Variants in C12orf42 observed in about 807,000 individuals in gnomAD.
C12orf42 encodes chromosome 12 open reading frame 42.
Under a neutral mutation model 21.6 loss-of-function variants are expected in C12orf42, and 25 were observed. The ratio of observed to expected loss-of-function variants is 1.16; its 90% confidence interval spans 0.84 to 1.62. C12orf42 has a LOEUF of 1.62. Among genes scored for constraint, C12orf42 ranks in the 40% most tolerant of loss-of-function variants. The pLI, the probability that C12orf42 is intolerant of heterozygous loss-of-function variation, is 0.00. For missense variants in C12orf42, 483 were observed against 459.3 expected (o/e 1.05, Z -0.47); for synonymous variants, 174 against 175.0 (o/e 0.99, Z 0.05).
At chr12:103,552,536 G>A in the C12orf42 span, among the ~76,000 whole-genome samples, 2 of 152,152 alleles carry the variant, frequency 1.3e-5, no homozygotes, top group African/African-American at 4.8e-5. Context: ...ACAAGGGAAT[G>A]GTGAAAAGGA....
intron 4 of C12orf42, among the ~76,000 whole-genome samples, chr12:103,322,132 C>T (rs896900566): frequency 1.5e-5 from 2 of 129,288 alleles, no homozygotes; most frequent in African/African-American, 8.9e-5. Flanking sequence ...CGCGCACACA[C>T]ACACACACAC....
the C12orf42 span, among the ~76,000 whole-genome samples, chr12:103,157,012 A>G: frequency 1.3e-5 from 2 of 152,178 alleles, no homozygotes; most frequent in Admixed American, 1.3e-4. Flanking sequence ...ACTGGGTCAA[A>G]TGGTACTTCT....
At chr12:103,427,585 C>T (rs919848826) in intron 2 of C12orf42, among the ~76,000 whole-genome samples, 7 of 152,158 alleles carry the variant, frequency 4.6e-5, no homozygotes, top group Non-Finnish European at 7.4e-5. Flanking sequence ...AGAAAATTAA[C>T]AAGGATATTC....
the C12orf42 span, among the ~76,000 whole-genome samples, chr12:103,055,328 A>G: frequency 2.0e-5 from 3 of 151,900 alleles, no homozygotes; most frequent in African/African-American, 7.2e-5. Flanking sequence ...TTTCATCTAA[A>G]TTGTGAAATT....
At chr12:103,554,588 A>G in the C12orf42 span, among the ~76,000 whole-genome samples, 1 of 150,580 alleles carries the variant, frequency 6.6e-6, no homozygotes. Context: ...AAAAAAAAAA[A>G]GAGGTTTAAT....
chr12:103,327,726 C>G (rs963084398), intron 4 of C12orf42, among the ~76,000 whole-genome samples: 7 of 152,168 alleles, frequency 4.6e-5, no homozygotes, highest in Non-Finnish European at 7.3e-5. Context: ...GCATCTATCT[C>G]TAGGAGTATG....
the C12orf42 span, among the ~76,000 whole-genome samples, chr12:103,124,543 A>G: frequency 1.3e-5 from 2 of 152,122 alleles, no homozygotes; most frequent in Non-Finnish European, 2.9e-5. Flanking sequence ...CAGAGTGGGA[A>G]CGAAGAAACT....
chr12:103,390,389 A>G lies in C12orf42; in HGVS notation c.147+11218T>C, dbSNP rs559253055. 1.2e-3 allele frequency among the ~76,000 whole-genome samples: 190 copies of G among 152,302 alleles called. 2 individuals are homozygous for G. The highest frequency in any genetic ancestry group is 2.4e-3 in the Non-Finnish European group (166 of 68,022). ...ACATACACAATGCTCAATAATCATC[A>G]CCACTATTTCCAGAACTTTTCATCA... is the stretch of plus-strand genomic sequence containing the variant. On this transcript the variant is annotated intron_variant, in intron 3 of 5. Coordinates refer to ENST00000548883, the MANE Select transcript of C12orf42 (RefSeq NM_198521.5).
Position 103,246,941 on chromosome 12 carries a change from T to C in C12orf42, c.*1367-9039A>G, listed in dbSNP as rs570767666. ...CCTAGCAGGTATGCTTCATTTTTAA[T>C]ATGCATAGTTAATTTTGTAAAAACT... On this transcript the variant is annotated intron_variant and NMD_transcript_variant, in intron 10 of 10. Transcript: ENST00000547347. 3.3e-5 allele frequency among the ~76,000 whole-genome samples: 5 copies of C among 152,256 alleles called. No homozygotes were observed. The South Asian group carries it at 1.0e-3, about 32-fold the overall frequency.
At chr12:103,450,422 A>G (rs76956427) in intron 2 of C12orf42, among the ~76,000 whole-genome samples, 1,862 of 152,164 alleles carry the variant, frequency 0.012, 34 homozygotes, top group African/African-American at 0.041. Flanking sequence ...TTGGATCAGT[A>G]TTTTCTATCA....
the C12orf42 span, among the ~76,000 whole-genome samples, chr12:103,052,554 T>C: frequency 3.9e-5 from 6 of 152,080 alleles, no homozygotes; most frequent in Admixed American, 2.6e-4. Context: ...AGGAGTTATT[T>C]ATATATTCTG....
At chr12:103,048,070 A>C in the C12orf42 span, among the ~76,000 whole-genome samples, 1 of 152,122 alleles carries the variant, frequency 6.6e-6, no homozygotes, top group African/African-American at 2.4e-5. Flanking sequence ...TTTTACAAAC[A>C]ATCTACCAGT....
chr12:103,198,993 C>G, the C12orf42 span, among the ~76,000 whole-genome samples: 1 of 152,114 alleles, frequency 6.6e-6, no homozygotes, highest in Non-Finnish European at 1.5e-5. Flanking sequence ...TAGAAGACCC[C>G]AAATAGCCAT....
At chr12:103,380,506 G>A (rs2046073568) in intron 3 of C12orf42, among the ~76,000 whole-genome samples, 1 of 152,092 alleles carries the variant, frequency 6.6e-6, no homozygotes, top group Non-Finnish European at 1.5e-5. Flanking sequence ...ATAAATGCTG[G>A]AAACCCAGAG....
intron 10 of C12orf42, among the ~76,000 whole-genome samples, chr12:103,254,499 T>C (rs2034458019): frequency 6.6e-6 from 1 of 152,130 alleles, no homozygotes. Context: ...AGCATAGTGC[T>C]GGTACAAAAA....
the C12orf42 span, among the ~76,000 whole-genome samples, chr12:103,064,005 G>A: frequency 6.6e-6 from 1 of 152,140 alleles, no homozygotes; most frequent in Admixed American, 6.6e-5. Flanking sequence ...GAATAAAAAT[G>A]TGGCCCACTG....
At chr12:103,386,945 C>T (rs1327969219) in intron 3 of C12orf42, among the ~76,000 whole-genome samples, 5 of 152,236 alleles carry the variant, frequency 3.3e-5, no homozygotes, top group African/African-American at 9.6e-5. Context: ...AAAGTCACAT[C>T]CTGCAGCTCG....
chr12:103,144,661 C>CT, the C12orf42 span, among the ~76,000 whole-genome samples: 1,020 of 152,176 alleles, frequency 6.7e-3, 9 homozygotes, highest in African/African-American at 0.022. Flanking sequence ...TAAAAAGAAG[C>CT]TTTTTATGGG....
intron 2 of C12orf42, among the ~76,000 whole-genome samples, chr12:103,450,093 T>C (rs1369797606): frequency 6.6e-6 from 1 of 152,078 alleles, no homozygotes; most frequent in African/African-American, 2.4e-5. Context: ...GGTATTTAGA[T>C]TAAATATATT....
Sources: allele counts gnomAD v4.1 joint callset (sites outside exome capture counted in the v4.1 genomes callset), GRCh38; gene constraint gnomAD v4.1.1; transcripts MANE v1.5; gene names NCBI Gene and HGNC (gene_info 2026-07-23, HGNC 2026-07-21).